PSMB3: variants seen among roughly 807,000 people sequenced by gnomAD.
The protein encoded by PSMB3 is proteasome subunit beta type-3.
Under a neutral mutation model 23.3 loss-of-function variants are expected in PSMB3, and 5 were observed. That is an observed-to-expected ratio of 0.21 (90% CI 0.11 to 0.45). The LOEUF (loss-of-function observed/expected upper bound fraction) is 0.45, where lower values mean the gene tolerates loss of function less well. Ranked by LOEUF, PSMB3 falls within the 20% of genes least tolerant of loss-of-function variation. PSMB3 has a pLI of 0.99. For missense variants in PSMB3, 192 were observed against 277.9 expected, an observed-to-expected ratio of 0.69 and a Z score of 2.20; for synonymous variants, 85 against 99.8, an observed-to-expected ratio of 0.85 and a Z score of 0.88.
intron 1 of PSMB3, 122 bp from the exon 2 acceptor site, chr17:38,753,027 CA>C: frequency 7.8e-7 from 1 of 1,277,520 alleles, no homozygotes; most frequent in Non-Finnish European, 1.1e-6. Flanking sequence ...GCTGGAGAAC[CA>C]GGGGTTCAGA....
At chr17:38,753,472 T>G in intron 2 of PSMB3, 138 bp downstream of exon 2, 3 of 824,916 alleles carry the variant, frequency 3.6e-6, no homozygotes, top group Non-Finnish European at 5.5e-6. Context: ...AAAAAACATG[T>G]CCTTCCCTTT....
chr17:38,755,895 C>T lies in PSMB3; in HGVS notation c.201C>T (p.Leu67=), dbSNP rs761261360. 18 of 1,613,948 alleles carry T rather than the reference C, an allele frequency of 1.1e-5. 1 individual carries two copies. The Middle Eastern group carries it at 2.1e-3, about 192-fold the overall frequency. The change falls in exon 3 of 6, where the codon CTC becomes CTT. Residue 67 remains leucine, a synonymous_variant. Transcript: ENST00000619426. The part of the protein sequence containing the change: ...ATDVQTVAQR[L]KFRLNLYELK... ...TCTCCTACCTCAGTGCCCAGCGCCT[C>T]AAGTTCCGGCTGAACCTGTATGAGT...
Position 38,755,916 on chromosome 17 carries a change from T to C in PSMB3, c.222T>C (p.Tyr74=). ...GCCTCAAGTTCCGGCTGAACCTGTA[T>C]GAGTTGAAGGAAGGTCGGCAGATCA... ...AQRLKFRLNL[Y]ELKEGRQIKP... The change falls in exon 3 of 6, where the codon TAT becomes TAC. Residue 74 remains tyrosine (Y), a synonymous_variant. Transcript: ENST00000619426. 2.5e-6 allele frequency: 4 copies of C among 1,614,056 alleles called. No homozygotes were observed. The highest frequency in any genetic ancestry group is 3.4e-6 in the Non-Finnish European group (4 of 1,179,998).
At chr17:38,758,985 G>C (rs228277) in intron 3 of PSMB3, among the ~76,000 whole-genome samples, 102,011 of 152,026 alleles carry the variant, frequency 0.67, 36,445 homozygotes, top group Middle Eastern at 0.85. Flanking sequence ...GGCAGAGCTT[G>C]CAGTGAGCCA....
At chr17:38,756,032 T>C (rs1908184703) in intron 3 of PSMB3, 42 bp downstream of exon 3, 2 of 1,481,666 alleles carry the variant, frequency 1.3e-6, no homozygotes, top group East Asian at 4.5e-5. Flanking sequence ...TGCAGACATC[T>C]TTGAATGTAG....
chr17:38,761,344 G>A (rs1336305666), intron 4 of PSMB3, among the ~76,000 whole-genome samples: 2 of 116,218 alleles, frequency 1.7e-5, no homozygotes, highest in Non-Finnish European at 3.3e-5. Flanking sequence ...GCTAAACTCC[G>A]TCTCAAAAAA....
rs1567643307 is a variant in PSMB3 at position 38,755,662 on chromosome 17, AT to A, written c.189-220del. The stretch of plus-strand genomic sequence containing the variant: ...GACTCCGTCTAAAAAAAAAAAAAAT[AT>A]ATATATATATATATATATATGTGTG... On this transcript the variant is annotated intron_variant, in intron 2 of 5. Transcript: ENST00000619426. Among the ~76,000 whole-genome samples, 371 of 74,010 alleles carry A rather than the reference AT, an allele frequency of 5.0e-3. 16 individuals carry two copies. The East Asian group carries it at 0.083, about 17-fold the overall frequency. The allele number at this position is 74,010 out of a possible 152,430, so 48.6% of individuals were successfully genotyped here.
intron 5 of PSMB3, among the ~76,000 whole-genome samples, chr17:38,762,766 C>T (rs552522013): frequency 5.3e-5 from 8 of 152,144 alleles, no homozygotes; most frequent in South Asian, 4.2e-4. Flanking sequence ...ACAATGTCTC[C>T]GAAGTCTCAG....
At chr17:38,755,675 T>A (rs1311549116) in intron 2 of PSMB3, among the ~76,000 whole-genome samples, 50 of 117,268 alleles carry the variant, frequency 4.3e-4, no homozygotes, top group South Asian at 9.3e-4. Context: ...TATATATATA[T>A]ATATATATGT....
Position 38,752,902 on chromosome 17 carries a change from G to C in PSMB3, c.3+73G>C. ...CGGAGGGGGTCAGGAGAGGCTTGGG[G>C]ACGAAAAGGGCCTAGGGTCGATGGA... On this transcript the variant is annotated intron_variant, in intron 1 of 5. Transcript: ENST00000619426. The surrounding 1 kb of genome is among the most constrained non-coding windows in gnomAD (Gnocchi z 5.5). 2 of 1,595,266 alleles carry C rather than the reference G, an allele frequency of 1.3e-6. No individual in the cohort carries two copies. The highest frequency in any genetic ancestry group is 1.1e-5 in the South Asian group (1 of 90,154).
In PSMB3 at chr17:38,755,903, G is replaced by A. The variant is rs752944244; in HGVS notation, c.209G>A (p.Arg70Gln). ...VQTVAQRLKFRLNLYELKEGR... is the reference protein window; with the variant it reads ...VQTVAQRLKFQLNLYELKEGR... The stretch of plus-strand genomic sequence containing the variant: ...CTCAGTGCCCAGCGCCTCAAGTTCC[G>A]GCTGAACCTGTATGAGTTGAAGGAA... The change falls in exon 3 of 6, where the codon CGG (arginine) becomes CAG (glutamine). Residue 70 changes from arginine (R) to glutamine (Q), a missense_variant. Coordinates refer to ENST00000619426, the MANE Select transcript of PSMB3 (RefSeq NM_002795.4). The A allele has an allele frequency of 2.5e-5, 41 of 1,613,800 alleles. No homozygotes were observed. The highest frequency in any genetic ancestry group is 3.2e-5 in the Non-Finnish European group (38 of 1,179,992).
intron 5 of PSMB3, among the ~76,000 whole-genome samples, chr17:38,763,562 C>T (rs1908543914): frequency 7.6e-6 from 1 of 131,802 alleles, no homozygotes; most frequent in South Asian, 2.7e-4. Flanking sequence ...AGTGCAATGG[C>T]ACTATCTCAG....
chr17:38,758,345 AT>A (rs1908297404), intron 3 of PSMB3, among the ~76,000 whole-genome samples: 1 of 151,040 alleles, frequency 6.6e-6, no homozygotes, highest in Non-Finnish European at 1.5e-5. Context: ...TTTTTATTTT[AT>A]TATTATTATT....
chr17:38,754,307 TA>T (rs2143211152), intron 2 of PSMB3, among the ~76,000 whole-genome samples: 1 of 152,128 alleles, frequency 6.6e-6, no homozygotes, highest in Non-Finnish European at 1.5e-5. Flanking sequence ...CTGTCTCTAC[TA>T]AAAATACAAA....
Position 38,760,591 on chromosome 17 carries a change from C to G in PSMB3, c.457C>G (p.Leu153Val), listed in dbSNP as rs751190602. ...ACAAATGTACGGAATGTGTGAGTCCCTCTGGGAGCCCAACATGGTACGTTG... is the reference window on the plus strand; with the variant it reads ...ACAAATGTACGGAATGTGTGAGTCCGTCTGGGAGCCCAACATGGTACGTTG... ...AEQMYGMCES[L>V]WEPNMDPDHL... Residue 153 changes from leucine to valine, a missense_variant, in exon 4 of 6, where the codon CTC (leucine) becomes GTC (valine). Physicochemically the swap from Leu to Val is conservative, Grantham distance 32. Coordinates refer to ENST00000619426, the MANE Select transcript of PSMB3 (RefSeq NM_002795.4). 6.2e-6 allele frequency: 10 copies of G among 1,614,106 alleles called. No individual in the cohort carries two copies. Among genetic ancestry groups the G allele is most frequent in the Non-Finnish European group, 8.5e-6 (10 of 1,180,046 alleles).
chr17:38,761,724 A>G (rs947424563), intron 4 of PSMB3, among the ~76,000 whole-genome samples: 2 of 152,162 alleles, frequency 1.3e-5, no homozygotes, highest in African/African-American at 4.8e-5. Context: ...TGAGACCTCA[A>G]AGGGCCTTGA....
At chr17:38,762,606 G>A in intron 5 of PSMB3, 101 bp downstream of exon 5, 1 of 1,163,386 alleles carries the variant, frequency 8.6e-7, no homozygotes, top group Non-Finnish European at 1.3e-6. Flanking sequence ...CTGGTCAGGT[G>A]TGAGATAAGA....
chr17:38,752,943 T>G lies in PSMB3; in HGVS notation c.3+114T>G. The G allele has an allele frequency of 6.7e-7, 1 of 1,485,020 alleles. No homozygotes were observed. Among genetic ancestry groups the G allele is most frequent in the Non-Finnish European group, 9.2e-7 (1 of 1,084,032 alleles). 92.0% of individuals were successfully genotyped at this position (1,485,020 alleles called of 1,614,324 possible). A position where few individuals can be genotyped will look rare whatever the true frequency, so the allele number is the denominator to read the frequency against. On this transcript the variant is annotated intron_variant, in intron 1 of 5. Coordinates refer to ENST00000619426, the MANE Select transcript of PSMB3 (RefSeq NM_002795.4). This position sits in a 1 kb window ranked among gnomAD's most constrained non-coding sequence, Gnocchi z 5.5. ...GGTCGATGGAAGGAAGCGGTTTCAG[T>G]TCGAGGGGAGCGGGCCCCGGTGAGG...
intron 2 of PSMB3, 52 bp from the exon 3 acceptor site, chr17:38,755,831 C>T: frequency 6.8e-7 from 1 of 1,460,058 alleles, no homozygotes; most frequent in Non-Finnish European, 9.6e-7. Context: ...ACAGGGTAGA[C>T]ACTCAGGAAT....
Sources: gnomAD v4.1 joint callset for allele counts (sites outside exome capture counted in the v4.1 genomes callset) on GRCh38, gnomAD v4.1.1 for gene constraint, Gnocchi (gnomAD v3.1) non-coding constraint, MANE v1.5 for transcripts, NCBI Gene and HGNC (gene_info 2026-07-23, HGNC 2026-07-21) for gene names.